Variants in DAAM2 observed in about 807,000 individuals in gnomAD.
DAAM2 encodes disheveled-associated activator of morphogenesis 2.
Under a neutral mutation model 120.7 loss-of-function variants are expected in DAAM2, and 39 were observed. That is an observed-to-expected ratio of 0.32 (90% confidence interval 0.25 to 0.42). The LOEUF is 0.42. Among genes scored for constraint, DAAM2 ranks in the 10% least tolerant of loss-of-function variants. The pLI is 1.00. For synonymous variants in DAAM2, 488 were observed against 524.9 expected (o/e 0.93, Z 0.96); for missense variants, 1,283 against 1,401.7 (o/e 0.92, Z 1.35).
At chr6:39,813,157 TGTGTGTGTGC>T (rs1415173484) in intron 1 of DAAM2, among the ~76,000 whole-genome samples, 7 of 151,804 alleles carry the variant, frequency 4.6e-5, no homozygotes, top group Admixed American at 1.3e-4. Flanking sequence ...TGTGTGTGTG[TGTGTGTGTGC>T]GTGTGTGTGT....
intron 22 of DAAM2, 24 bp downstream of exon 22, chr6:39,898,961 C>T: frequency 2.5e-6 from 4 of 1,595,244 alleles, no homozygotes; most frequent in South Asian, 1.1e-5. Context: ...CAGTGCCTAC[C>T]TGGGTGAGGG....
Position 39,904,807 on chromosome 6 carries a change from C to T in DAAM2, c.*2770C>T, listed in dbSNP as rs957515085. The T allele has an allele frequency of 4.4e-6, 2 of 454,058 alleles. No homozygotes were observed. The highest frequency in any genetic ancestry group is 1.6e-5 in the South Asian group (1 of 64,446). The allele number at this position is 454,058 out of a possible 1,614,324, so 28.1% of individuals were successfully genotyped here. On this transcript the variant is annotated 3_prime_UTR_variant, in exon 25 of 25. Coordinates refer to ENST00000274867, the MANE Select transcript of DAAM2 (RefSeq NM_001201427.2). ...AATCTACAGTGTCCTTTTTCACTTG[C>T]ACCTTTTTTATAAGAATATATTGTA... is the stretch of plus-strand genomic sequence containing the variant.
At position 39,902,136 on chromosome 6, in the gene DAAM2, T is replaced by C. The variant is rs1766531213; in HGVS notation, c.*99T>C. ...ATATTTAAACCATTTGGTGCTTGGT[T>C]TAGAGCCTTGGGCTGGGTCCTGGGA... On this transcript the variant is annotated 3_prime_UTR_variant, in exon 25 of 25. Coordinates refer to ENST00000274867, the MANE Select transcript of DAAM2 (RefSeq NM_001201427.2). 1.6e-5 allele frequency: 18 copies of C among 1,107,308 alleles called. 1 individual carries two copies. In the South Asian group the frequency reaches 3.0e-4, roughly 18 times the overall value. 68.6% of individuals were successfully genotyped at this position (1,107,308 alleles called of 1,614,324 possible).
intron 16 of DAAM2, 40 bp downstream of exon 16, chr6:39,887,632 G>T (rs2149348797): frequency 5.6e-6 from 8 of 1,420,126 alleles, no homozygotes; most frequent in South Asian, 2.4e-5. Flanking sequence ...ATGCCTGGGG[G>T]ACAAAGGGGG....
In DAAM2 at chr6:39,841,480, G is replaced by T. The variant is rs112786517; in HGVS notation, c.-56-14767G>T. On this transcript the variant is annotated intron_variant, in intron 1 of 24. Transcript: ENST00000274867. Reference sequence around the variant, plus strand: ...CCTGGGAGGAGCTCTGACCTGAGTGGCTTCGGCTGAATCAGAGAGGCTAGA... The same window carrying T: ...CCTGGGAGGAGCTCTGACCTGAGTGTCTTCGGCTGAATCAGAGAGGCTAGA... 2.0e-3 allele frequency among the ~76,000 whole-genome samples: 303 copies of T among 152,142 alleles called. 1 individual carries two copies. Among genetic ancestry groups the T allele is most frequent in the African/African-American group, 6.6e-3 (273 of 41,486 alleles).
In DAAM2 at chr6:39,878,434, G is replaced by C. The variant is rs758442635; in HGVS notation, c.1391G>C (p.Arg464Thr). 6.2e-7 allele frequency: 1 copy of C among 1,612,156 alleles called. No homozygotes were observed. Residue 464 changes from arginine to threonine, a missense_variant, in exon 13 of 25, where the codon AGG (arginine) becomes ACG (threonine). Around this residue, in one of 3 missense-constraint regions of DAAM2, gnomAD observed 338 missense variants for 443.9 expected, o/e 0.76. Transcript: ENST00000274867. This position sits in a 1 kb window ranked among gnomAD's most constrained non-coding sequence, Gnocchi z 5.0. The part of the protein sequence containing the change: ...EHMELVSRLE[R>T]KERECETKTL... ...ATGGAGCTTGTGAGCCGTCTGGAGAGGAAGGAGCGGGAATGCGAGACAAAG... is the reference window on the plus strand; with the variant it reads ...ATGGAGCTTGTGAGCCGTCTGGAGACGAAGGAGCGGGAATGCGAGACAAAG...
At chr6:39,882,102 G>GTC (rs1475779769) in intron 14 of DAAM2, 2 of 152,208 alleles carry the variant, frequency 1.3e-5, no homozygotes, top group African/African-American at 4.8e-5. Flanking sequence ...CCAGCGGGCA[G>GTC]AAGTCCCAGG....
chr6:39,804,978 G>T (rs1006085617), intron 1 of DAAM2, among the ~76,000 whole-genome samples: 5 of 152,140 alleles, frequency 3.3e-5, no homozygotes, highest in African/African-American at 4.8e-5. Flanking sequence ...TTAAAGTGAG[G>T]TTGACTGCAT....
At chr6:39,868,300 T>C in intron 6 of DAAM2, 1 of 227,062 alleles carries the variant, frequency 4.4e-6, no homozygotes, top group Non-Finnish European at 8.8e-6. Flanking sequence ...CTATTCTCTT[T>C]TCTTTCCCTG....
intron 1 of DAAM2, among the ~76,000 whole-genome samples, chr6:39,830,058 T>C (rs1027959126): frequency 2.7e-4 from 41 of 152,268 alleles, no homozygotes; most frequent in African/African-American, 9.6e-4. Context: ...TGCTCACATT[T>C]GTACCCCCTT....
chr6:39,811,174 A>AGTGTGT (rs59432565), intron 1 of DAAM2, among the ~76,000 whole-genome samples: 6,400 of 146,442 alleles, frequency 0.044, 258 homozygotes, highest in African/African-American at 0.1. Context: ...AACTGAAGGG[A>AGTGTGT]GTGTGTGTGT....
At chr6:39,795,323 C>A (rs1761668387) in intron 1 of DAAM2, among the ~76,000 whole-genome samples, 1 of 152,172 alleles carries the variant, frequency 6.6e-6, no homozygotes, top group South Asian at 2.1e-4. Context: ...CAGCCAGAGA[C>A]TCTGTCAAGG....
intron 9 of DAAM2, among the ~76,000 whole-genome samples, chr6:39,872,952 G>C (rs914207553): frequency 6.6e-5 from 10 of 152,172 alleles, no homozygotes; most frequent in African/African-American, 2.4e-4. Flanking sequence ...ATCTGCTAAG[G>C]AGAGGCTGGG....
chr6:39,901,497 A>T lies in DAAM2; in HGVS notation c.2982+25A>T. 1 of 1,593,096 alleles carries T rather than the reference A, an allele frequency of 6.3e-7. No homozygotes were observed. The highest frequency in any genetic ancestry group is 8.5e-7 in the Non-Finnish European group (1 of 1,175,020). On this transcript the variant is annotated intron_variant, in intron 24 of 24. Coordinates refer to ENST00000274867, the MANE Select transcript of DAAM2 (RefSeq NM_001201427.2). The surrounding 1 kb of genome is among the most constrained non-coding windows in gnomAD (Gnocchi z 4.5). Reference sequence around the variant, plus strand: ...GGTGAGGGGCAGTGCCAGGCCTGGGACTGAGGGGAGACGGGTGCTACTTGG... The same window carrying T: ...GGTGAGGGGCAGTGCCAGGCCTGGGTCTGAGGGGAGACGGGTGCTACTTGG...
At chr6:39,879,739 G>T (rs969449945) in intron 14 of DAAM2, 3 of 572,158 alleles carry the variant, frequency 5.2e-6, no homozygotes, top group Non-Finnish European at 9.5e-6. Flanking sequence ...GTTTGCCCAG[G>T]GTTAATGGAG....
At chr6:39,893,267 A>G (rs1765849766) in intron 19 of DAAM2, among the ~76,000 whole-genome samples, 4 of 152,250 alleles carry the variant, frequency 2.6e-5, no homozygotes, top group Admixed American at 2.0e-4. Flanking sequence ...CTATAATCCC[A>G]GCACTTTGGG....
chr6:39,904,153 A>G lies in DAAM2; in HGVS notation c.*2116A>G. On this transcript the variant is annotated 3_prime_UTR_variant, in exon 25 of 25. Transcript: ENST00000274867. ...AGACTGGATACGCACCTGGAAACAA[A>G]AGGACTATGGAAGCTGTTCAAGATA... The G allele has an allele frequency of 2.2e-6, 1 of 455,598 alleles. No homozygotes were observed. The highest frequency in any genetic ancestry group is 4.4e-6 in the Non-Finnish European group (1 of 226,486). 28.2% of individuals were successfully genotyped at this position (455,598 alleles called of 1,614,324 possible).
chr6:39,814,945 A>C (rs752923897), intron 1 of DAAM2, among the ~76,000 whole-genome samples: 17 of 152,236 alleles, frequency 1.1e-4, no homozygotes, highest in Admixed American at 2.6e-4. Context: ...TATTGTGACC[A>C]GATGTCACCC....
chr6:39,904,740 T>G lies in DAAM2; in HGVS notation c.*2703T>G. ...AGGGATGCCTTCACGCCAAGGCTGTTCTCACCAGCTGCCTCAGATGACAAA... is the reference window on the plus strand; with the variant it reads ...AGGGATGCCTTCACGCCAAGGCTGTGCTCACCAGCTGCCTCAGATGACAAA... On this transcript the variant is annotated 3_prime_UTR_variant, in exon 25 of 25. Coordinates refer to ENST00000274867, the MANE Select transcript of DAAM2 (RefSeq NM_001201427.2). The G allele has an allele frequency of 2.2e-6, 1 of 454,148 alleles. No homozygotes were observed. The highest frequency in any genetic ancestry group is 4.4e-6 in the Non-Finnish European group (1 of 226,800). 28.1% of individuals were successfully genotyped at this position (454,148 alleles called of 1,614,324 possible).
Sources: allele counts gnomAD v4.1 joint callset (sites outside exome capture counted in the v4.1 genomes callset), GRCh38; gene constraint gnomAD v4.1.1; regional missense constraint gnomAD v4.1.1; non-coding constraint Gnocchi (gnomAD v3.1); transcripts MANE v1.5; gene names NCBI Gene and HGNC (gene_info 2026-07-23, HGNC 2026-07-21).